USH2A: variants seen among roughly 807,000 people sequenced by gnomAD.
USH2A encodes the protein Usher syndrome 2A (autosomal recessive, mild).
A neutral mutation model predicts 538.9 loss-of-function variants in USH2A; 443 were observed. The ratio of observed to expected loss-of-function variants is 0.82; its 90% CI spans 0.76 to 0.89. The LOEUF (loss-of-function observed/expected upper bound fraction) is 0.89, where lower values mean the gene tolerates loss of function less well. Among genes scored for constraint, USH2A ranks in the 40% least tolerant of loss-of-function variants. USH2A has a pLI of 0.00. For missense variants in USH2A, 6,633 were observed against 6,324.8 expected, an observed-to-expected ratio of 1.05 and a Z score of -1.65; for synonymous variants, 2,413 against 2,273.5, an observed-to-expected ratio of 1.06 and a Z score of -1.75.
rs773190850 is a variant in USH2A at position 216,175,224 on chromosome 1, T to C, written c.4627+28A>G. On this transcript the variant is annotated intron_variant, in intron 21 of 71. Coordinates refer to ENST00000307340, the MANE Select transcript of USH2A (RefSeq NM_206933.4). ...AAACATTTTGGAGCTTCGTGTCTCC[T>C]AAATAAAGCAATGTCAAACACACTT... 4.0e-5 allele frequency: 64 copies of C among 1,613,160 alleles called. 1 individual carries two copies. The South Asian group carries it at 6.9e-4, about 17-fold the overall frequency.
chr1:216,420,171 T>C (rs2039652355), intron 2 of USH2A, among the ~76,000 whole-genome samples: 2 of 152,042 alleles, frequency 1.3e-5, no homozygotes, highest in South Asian at 4.1e-4. Context: ...AGTTTGCCCC[T>C]ATTCATTTTT....
At chr1:215,808,841 T>C (rs190335071) in intron 49 of USH2A, among the ~76,000 whole-genome samples, 7 of 152,230 alleles carry the variant, frequency 4.6e-5, no homozygotes, top group Admixed American at 3.3e-4. Context: ...TTGGCAGTAA[T>C]GATTACAGCT....
intron 27 of USH2A, among the ~76,000 whole-genome samples, chr1:216,075,155 T>C (rs557838775): frequency 3.3e-5 from 5 of 152,266 alleles, no homozygotes; most frequent in African/African-American, 1.2e-4. Context: ...GAAAAAGGCC[T>C]AGAGAGTTAG....
At chr1:216,290,569 C>A (rs969063972) in intron 10 of USH2A, among the ~76,000 whole-genome samples, 23 of 152,092 alleles carry the variant, frequency 1.5e-4, no homozygotes, top group Admixed American at 1.3e-3. Flanking sequence ...CTAAATAATA[C>A]CAGGAGTAAT....
intron 55 of USH2A, among the ~76,000 whole-genome samples, chr1:215,767,557 C>T (rs1661168093): frequency 6.6e-6 from 1 of 152,098 alleles, no homozygotes; most frequent in Non-Finnish European, 1.5e-5. Context: ...CTTTCGTATT[C>T]AGAATATGAT....
intron 21 of USH2A, among the ~76,000 whole-genome samples, chr1:216,167,873 G>A (rs1054879811): frequency 5.9e-5 from 9 of 152,112 alleles, no homozygotes; most frequent in African/African-American, 1.7e-4. Context: ...TGAATTTGCC[G>A]CCAGTAACAT....
intron 61 of USH2A, among the ~76,000 whole-genome samples, chr1:215,710,249 C>T (rs1213643403): frequency 2.0e-5 from 3 of 152,154 alleles, no homozygotes; most frequent in East Asian, 1.9e-4. Flanking sequence ...TCTCTGATAA[C>T]GAGGCAGACT....
chr1:216,190,008 T>C (rs550690173), intron 20 of USH2A, among the ~76,000 whole-genome samples: 1 of 152,142 alleles, frequency 6.6e-6, no homozygotes, highest in South Asian at 2.1e-4. Context: ...TAATTATATT[T>C]CTTATTATGA....
chr1:215,852,009 C>A (rs1664031126), intron 44 of USH2A, among the ~76,000 whole-genome samples: 1 of 152,100 alleles, frequency 6.6e-6, no homozygotes. Flanking sequence ...TTAAAACCCT[C>A]AGCAAAATAG....
chr1:216,135,938 T>A (rs1014949595), intron 21 of USH2A, among the ~76,000 whole-genome samples: 4 of 151,516 alleles, frequency 2.6e-5, no homozygotes, highest in Non-Finnish European at 4.4e-5. Context: ...AGTATATTCA[T>A]TAAAAGTATA....
At chr1:216,138,731 C>G (rs888578641) in intron 21 of USH2A, among the ~76,000 whole-genome samples, 1 of 152,086 alleles carries the variant, frequency 6.6e-6, no homozygotes, top group Non-Finnish European at 1.5e-5. Flanking sequence ...GCAGAATACC[C>G]TTTTTCTGAT....
rs34761385 is a variant in USH2A, at chr1:216,105,361, G to GTT, written c.4628-8150_4628-8149dup. 4.3e-3 allele frequency among the ~76,000 whole-genome samples: 640 copies of GTT among 149,922 alleles called. 2 individuals carry two copies. The highest frequency in any genetic ancestry group is 0.013 in the South Asian group (64 of 4,762). On this transcript the variant is annotated intron_variant, in intron 21 of 71. Transcript: ENST00000307340. ...TGTGAGATAGGGGTCAAGCTTTATT[G>GTT]TTTTTTTTTGACTCCTATACACTAT... is the stretch of plus-strand genomic sequence containing the variant.
rs148709483 is a variant in USH2A, at chr1:216,363,565, T to C, written c.784+1388A>G. 7.1e-4 allele frequency among the ~76,000 whole-genome samples: 108 copies of C among 152,224 alleles called. 2 individuals carry two copies. In the East Asian group the frequency reaches 0.019, roughly 27 times the overall value. ...TCTATGTATATGATTGATAGATTGA[T>C]GGTTGATATATATAAATGGAAATGT... On this transcript the variant is annotated intron_variant, in intron 4 of 71. Coordinates refer to ENST00000307340, the MANE Select transcript of USH2A (RefSeq NM_206933.4).
chr1:216,380,017 G>A (rs973381937), intron 3 of USH2A, among the ~76,000 whole-genome samples: 4 of 152,162 alleles, frequency 2.6e-5, no homozygotes, highest in African/African-American at 4.8e-5. Context: ...TTGAATTCAA[G>A]CACTGTCATT....
At chr1:216,099,270 G>A (rs528848032) in intron 21 of USH2A, among the ~76,000 whole-genome samples, 1 of 151,988 alleles carries the variant, frequency 6.6e-6, no homozygotes, top group Non-Finnish European at 1.5e-5. Context: ...TGAATGTTGT[G>A]TTCTTGCTGT....
chr1:216,357,494 C>G (rs1477570622), intron 4 of USH2A, among the ~76,000 whole-genome samples: 1 of 152,006 alleles, frequency 6.6e-6, no homozygotes, highest in African/African-American at 2.4e-5. Flanking sequence ...ACTTTAGAAT[C>G]AAGTACAAGC....
chr1:216,208,924 G>A (rs192025904), intron 15 of USH2A, among the ~76,000 whole-genome samples: 2 of 152,042 alleles, frequency 1.3e-5, no homozygotes, highest in African/African-American at 2.4e-5. Context: ...TTTTATTGGG[G>A]GCTGTTCCTA....
At chr1:216,111,553 AATG>A (rs1173502892) in intron 21 of USH2A, among the ~76,000 whole-genome samples, 1 of 152,056 alleles carries the variant, frequency 6.6e-6, no homozygotes, top group Non-Finnish European at 1.5e-5. Flanking sequence ...TTATAATCAG[AATG>A]ATATGACTCA....
At chr1:216,063,374 A>G (rs1343596446) in intron 30 of USH2A, among the ~76,000 whole-genome samples, 4 of 152,140 alleles carry the variant, frequency 2.6e-5, no homozygotes, top group Non-Finnish European at 4.4e-5. Context: ...GTGACTCTCA[A>G]TTCACATTCC....
Sources: gnomAD v4.1 joint callset for allele counts (sites outside exome capture counted in the v4.1 genomes callset) on GRCh38, gnomAD v4.1.1 for gene constraint, MANE v1.5 for transcripts, NCBI Gene and HGNC (gene_info 2026-07-23, HGNC 2026-07-21) for gene names.